Variants in RUNX1T1 observed in about 807,000 individuals in gnomAD.
RUNX1T1 encodes RUNX1 partner transcriptional co-repressor 1.
RUNX1T1 carries 4 observed loss-of-function variants against 62.8 expected under a neutral mutation model. The observed-to-expected ratio is 0.06, with a 90% confidence interval of 0.03 to 0.15. The LOEUF (loss-of-function observed/expected upper bound fraction) is 0.15, where lower values mean the gene tolerates loss of function less well. Among genes scored for constraint, RUNX1T1 ranks in the 10% least tolerant of loss-of-function variants. The pLI is 1.00. For synonymous variants in RUNX1T1, 291 were observed against 286.0 expected (o/e 1.02, Z -0.18); for missense variants, 508 against 754.3 (o/e 0.67, Z 3.82).
chr8:92,076,258 A>T, intron 1 of RUNX1T1, 121 bp from the exon 2 acceptor site: 2 of 642,434 alleles, frequency 3.1e-6, no homozygotes, highest in Non-Finnish European at 4.5e-6. Context: ...AAAAAAAAAC[A>T]GATACAAGCT....
At chr8:91,959,828 A>G (rs1163662663) in exon 11 of RUNX1T1, 1 of 279,000 alleles carries the variant, frequency 3.6e-6, no homozygotes, top group East Asian at 5.1e-5. Flanking sequence ...TATAAAGAAC[A>G]TTGTGACTTT....
At chr8:92,027,265 A>G (rs1825395907) in intron 1 of RUNX1T1, among the ~76,000 whole-genome samples, 1 of 152,202 alleles carries the variant, frequency 6.6e-6, no homozygotes, top group African/African-American at 2.4e-5. Flanking sequence ...GCATACTCAA[A>G]TTTACATGTG....
intron 1 of RUNX1T1, among the ~76,000 whole-genome samples, chr8:92,046,700 T>C (rs1829464483): frequency 1.3e-5 from 2 of 152,194 alleles, no homozygotes; most frequent in Admixed American, 6.6e-5. Flanking sequence ...ACTGTTAGTT[T>C]ACCTTCAGCA....
At chr8:92,009,680 AAAC>A (rs1821562529) in intron 4 of RUNX1T1, 3 of 151,910 alleles carry the variant, frequency 2.0e-5, no homozygotes, top group East Asian at 1.9e-4. Context: ...TCTTTACAGA[AAAC>A]AACGCTTTCT....
intron 1 of RUNX1T1, among the ~76,000 whole-genome samples, chr8:92,084,139 C>T (rs1258512948): frequency 6.6e-6 from 1 of 152,054 alleles, no homozygotes; most frequent in African/African-American, 2.4e-5. Context: ...GGAGAAACAC[C>T]TCATGTAGAT....
At chr8:92,055,906 C>A (rs1830960181) in intron 1 of RUNX1T1, among the ~76,000 whole-genome samples, 1 of 152,178 alleles carries the variant, frequency 6.6e-6, no homozygotes. Flanking sequence ...TGAAGTGTTA[C>A]TGTAACTGCT....
chr8:91,965,047 T>C (rs1811284793), intron 10 of RUNX1T1, among the ~76,000 whole-genome samples: 1 of 152,204 alleles, frequency 6.6e-6, no homozygotes, highest in South Asian at 2.1e-4. Flanking sequence ...TGGCAGGTAC[T>C]ACCACCACTC....
At chr8:92,017,298 T>A (rs374525502) in exon 2 of RUNX1T1, 14 of 1,613,838 alleles carry the variant, frequency 8.7e-6, no homozygotes, top group Non-Finnish European at 1.2e-5. Context: ...GTTGGAGGAG[T>A]CAGCCTAGAT....
intron 6 of RUNX1T1, among the ~76,000 whole-genome samples, chr8:91,990,716 G>A (rs892195548): frequency 2.0e-5 from 3 of 151,384 alleles, no homozygotes; most frequent in South Asian, 2.1e-4. Context: ...GGGGTGCAGT[G>A]GCATGATCTC....
exon 11 of RUNX1T1, chr8:91,960,338 G>A (rs1246839374): frequency 1.9e-5 from 30 of 1,613,472 alleles, no homozygotes; most frequent in Non-Finnish European, 2.5e-5. Flanking sequence ...CAGCCCCGCT[G>A]TTGGGCGTGA....
chr8:92,008,644 T>C (rs1821346299), intron 4 of RUNX1T1, among the ~76,000 whole-genome samples: 1 of 152,168 alleles, frequency 6.6e-6, no homozygotes, highest in Non-Finnish European at 1.5e-5. Flanking sequence ...GGACATCTTG[T>C]GTGCAGATGT....
chr8:91,971,343 T>C (rs1260276869), intron 9 of RUNX1T1, among the ~76,000 whole-genome samples: 1 of 152,080 alleles, frequency 6.6e-6, no homozygotes, highest in African/African-American at 2.4e-5. Flanking sequence ...AAGTCAGTTT[T>C]CCACAATGCT....
intron 8 of RUNX1T1, among the ~76,000 whole-genome samples, chr8:91,976,355 A>G (rs1402785195): frequency 2.0e-5 from 3 of 152,206 alleles, no homozygotes; most frequent in Admixed American, 6.5e-5. Flanking sequence ...CTGGTGGTTA[A>G]ACAATCAAAT....
intron 9 of RUNX1T1, among the ~76,000 whole-genome samples, chr8:91,972,575 C>T (rs917986165): frequency 2.6e-5 from 4 of 151,996 alleles, no homozygotes; most frequent in Non-Finnish European, 4.4e-5. Context: ...GAAGTACTGC[C>T]CTTCTAACTA....
At chr8:92,069,484 A>G (rs1833366258) in intron 2 of RUNX1T1, among the ~76,000 whole-genome samples, 1 of 152,092 alleles carries the variant, frequency 6.6e-6, no homozygotes, top group Non-Finnish European at 1.5e-5. Flanking sequence ...TTCTCCACTT[A>G]TATCTCTCCA....
rs1449980347 is a variant in RUNX1T1, at chr8:92,024,612, G to A, written c.8-7249C>T. ...TCTTTATTCTTAATCCAAGAAACAT[G>A]TACACTACTTTATCTGACATCTCTG... On this transcript the variant is annotated intron_variant, in intron 1 of 10. Coordinates refer to ENST00000396218, the Ensembl canonical transcript of RUNX1T1. Among the ~76,000 whole-genome samples the A allele has an allele frequency of 4.1e-5, 6 of 146,932 alleles. No individual in the cohort carries two copies. The East Asian group carries it at 8.2e-4, about 20-fold the overall frequency.
rs1250652729 is a variant in RUNX1T1, at chr8:92,091,692, C to T, written c.-86+7888G>A. On this transcript the variant is annotated intron_variant, in intron 1 of 11. Transcript: ENST00000265814. ...ACTGGTGCTATATTGGAGGAAATAG[C>T]CGCATGATGCCCAGCTCTCTTTAAG... 5.3e-5 allele frequency among the ~76,000 whole-genome samples: 8 copies of T among 152,276 alleles called. 1 individual carries two copies. In the East Asian group the frequency reaches 1.5e-3, roughly 29 times the overall value.
At chr8:91,977,677 A>G (rs1441529252) in intron 8 of RUNX1T1, among the ~76,000 whole-genome samples, 1 of 152,284 alleles carries the variant, frequency 6.6e-6, no homozygotes, top group Non-Finnish European at 1.5e-5. Context: ...TTGGATAAGA[A>G]TAAGAACAGA....
intron 1 of RUNX1T1, among the ~76,000 whole-genome samples, chr8:92,049,529 A>T (rs193078372): frequency 6.6e-6 from 1 of 152,180 alleles, no homozygotes; most frequent in African/African-American, 2.4e-5. Context: ...CAAGAATCTC[A>T]TAAGTGCTGA....
Sources: allele counts gnomAD v4.1 joint callset (sites outside exome capture counted in the v4.1 genomes callset), GRCh38; gene constraint gnomAD v4.1.1; transcripts MANE v1.5; gene names NCBI Gene and HGNC (gene_info 2026-07-23, HGNC 2026-07-21).